ASIC2: variants seen among roughly 807,000 people sequenced by gnomAD.
ASIC2 encodes the protein acid-sensing ion channel 2.
ASIC2 carries 25 observed loss-of-function variants against 57.3 expected under a neutral mutation model. The observed-to-expected ratio is 0.44, with a 90% CI of 0.32 to 0.61. The LOEUF (loss-of-function observed/expected upper bound fraction) is 0.61. Ranked by LOEUF, ASIC2 falls within the 20% of genes least tolerant of loss-of-function variation. ASIC2 has a pLI of 0.06. For missense variants in ASIC2, 641 were observed against 738.1 expected (o/e 0.87, Z 1.52); for synonymous variants, 319 against 307.5 (o/e 1.04, Z -0.39).
At chr17:33,835,716 A>T (rs2141904070) in intron 1 of ASIC2, among the ~76,000 whole-genome samples, 1 of 152,314 alleles carries the variant, frequency 6.6e-6, no homozygotes, top group Admixed American at 6.5e-5. Context: ...GGAGTCTAAT[A>T]AAATATACTA....
At chr17:33,446,590 C>T (rs1356341491) in intron 1 of ASIC2, among the ~76,000 whole-genome samples, 1 of 152,170 alleles carries the variant, frequency 6.6e-6, no homozygotes, top group African/African-American at 2.4e-5. Context: ...GAAGCATCAT[C>T]TTCTCCCACG....
At chr17:33,748,337 A>G (rs976164216) in intron 1 of ASIC2, among the ~76,000 whole-genome samples, 9 of 152,030 alleles carry the variant, frequency 5.9e-5, no homozygotes, top group African/African-American at 1.9e-4. Context: ...TGGTCCTTTC[A>G]CCTCTTCCAT....
upstream of ASIC2, among the ~76,000 whole-genome samples, chr17:33,297,537 T>A (rs1202970380): frequency 6.6e-6 from 1 of 152,114 alleles, no homozygotes; most frequent in Admixed American, 6.6e-5. Context: ...ATATTAAAAT[T>A]CACTGGCCAG....
chr17:33,506,994 G>A (rs1398744687), intron 1 of ASIC2, among the ~76,000 whole-genome samples: 1 of 152,196 alleles, frequency 6.6e-6, no homozygotes, highest in Non-Finnish European at 1.5e-5. Context: ...GAGACAGGAT[G>A]TTAACAGCCT....
At chr17:33,611,577 GCCC>G (rs1379082451) in intron 1 of ASIC2, among the ~76,000 whole-genome samples, 1 of 152,208 alleles carries the variant, frequency 6.6e-6, no homozygotes, top group Non-Finnish European at 1.5e-5. Context: ...TCAATCCAGA[GCCC>G]AGGTCAAGTG....
At chr17:33,913,143 G>C (rs1210286813) in intron 1 of ASIC2, among the ~76,000 whole-genome samples, 1 of 150,836 alleles carries the variant, frequency 6.6e-6, no homozygotes, top group East Asian at 1.9e-4. Context: ...TTCTTTATTT[G>C]GGCTTACAAG....
At chr17:33,808,643 C>A (rs1224824828) in intron 1 of ASIC2, among the ~76,000 whole-genome samples, 2 of 152,304 alleles carry the variant, frequency 1.3e-5, no homozygotes, top group East Asian at 1.9e-4. Context: ...TCAATTCCTA[C>A]TTTCTGTGTG....
At chr17:33,392,264 T>C (rs929008536) in intron 1 of ASIC2, among the ~76,000 whole-genome samples, 2 of 150,836 alleles carry the variant, frequency 1.3e-5, no homozygotes, top group African/African-American at 2.4e-5. Context: ...CTGTCTCTCT[T>C]TCTTTCTTTT....
intron 1 of ASIC2, among the ~76,000 whole-genome samples, chr17:33,641,832 G>A (rs1276887302): frequency 1.3e-5 from 2 of 152,198 alleles, no homozygotes; most frequent in South Asian, 2.1e-4. Context: ...AAAGGGACTG[G>A]AAAGAAATAG....
chr17:33,773,215 CT>C (rs77451872), intron 1 of ASIC2, among the ~76,000 whole-genome samples: 15,302 of 148,580 alleles, frequency 0.1, 1,005 homozygotes, highest in Non-Finnish European at 0.13. Context: ...AATTCAACTA[CT>C]TTTTTTTTTT....
chr17:33,049,077 A>G (rs2091965688), intron 3 of ASIC2, among the ~76,000 whole-genome samples: 1 of 152,174 alleles, frequency 6.6e-6, no homozygotes, highest in Non-Finnish European at 1.5e-5. Context: ...TTGTGAAAAG[A>G]GCGTGGACTT....
chr17:33,832,089 T>A (rs1326160712), intron 1 of ASIC2, among the ~76,000 whole-genome samples: 1 of 152,234 alleles, frequency 6.6e-6, no homozygotes, highest in Non-Finnish European at 1.5e-5. Flanking sequence ...TTTCTTATCA[T>A]CACCTCAACT....
intron 1 of ASIC2, among the ~76,000 whole-genome samples, chr17:34,053,950 C>T (rs1268287611): frequency 6.6e-6 from 1 of 152,222 alleles, no homozygotes; most frequent in Non-Finnish European, 1.5e-5. Context: ...GACCTCCATT[C>T]TGTACAGGGT....
chr17:33,781,906 T>C (rs565609089), intron 1 of ASIC2, among the ~76,000 whole-genome samples: 1 of 152,264 alleles, frequency 6.6e-6, no homozygotes, highest in South Asian at 2.1e-4. Flanking sequence ...CTTGAGTGCC[T>C]CCCATTTCTT....
chr17:33,415,815 G>A (rs983442098), intron 1 of ASIC2, among the ~76,000 whole-genome samples: 2 of 152,220 alleles, frequency 1.3e-5, no homozygotes, highest in African/African-American at 4.8e-5. Context: ...ATGCTGAGAT[G>A]CTGCAGTTAG....
intron 6 of ASIC2, 26 bp from the exon 7 acceptor site, chr17:33,021,336 A>G: frequency 1.3e-6 from 2 of 1,530,908 alleles, no homozygotes; most frequent in Non-Finnish European, 1.8e-6. Context: ...TCAGTACCAT[A>G]CATGGTTAGA....
At chr17:33,668,586 C>G (rs780883648) in intron 1 of ASIC2, among the ~76,000 whole-genome samples, 151 of 152,188 alleles carry the variant, frequency 9.9e-4, no homozygotes, top group Admixed American at 2.0e-3. Flanking sequence ...GGTACTCTCC[C>G]CATTTCAAGG....
intron 1 of ASIC2, among the ~76,000 whole-genome samples, chr17:33,943,692 TAAAAAA>T (rs3071252): frequency 8.3e-6 from 1 of 119,828 alleles, no homozygotes; most frequent in Non-Finnish European, 1.8e-5. Flanking sequence ...ATGATAATAG[TAAAAAA>T]AAAAAAAAAA....
chr17:34,091,527 C>T (rs1348896531), intron 1 of ASIC2, among the ~76,000 whole-genome samples: 1 of 152,244 alleles, frequency 6.6e-6, no homozygotes, highest in Non-Finnish European at 1.5e-5. Flanking sequence ...GGGAGAATCC[C>T]TGGCAGCTCT....
Sources: allele counts gnomAD v4.1 joint callset (sites outside exome capture counted in the v4.1 genomes callset), GRCh38; gene constraint gnomAD v4.1.1; transcripts MANE v1.5; gene names NCBI Gene and HGNC (gene_info 2026-07-23, HGNC 2026-07-21).